The following LRRC7 variants were observed in gnomAD, a reference collection of about 807,000 sequenced individuals.
LRRC7 encodes the protein leucine-rich repeat-containing protein 7.
LRRC7 carries 23 observed loss-of-function variants against 175.7 expected under a neutral mutation model. The observed-to-expected ratio is 0.13, with a 90% CI of 0.09 to 0.19. LRRC7 has a LOEUF of 0.19. Ranked by LOEUF, LRRC7 falls within the 10% of genes least tolerant of loss-of-function variation. The probability of loss-of-function intolerance (pLI) is 1.00; values close to 1 mark genes in which losing one functional copy is unlikely to be tolerated. For synonymous variants in LRRC7, 685 were observed against 680.9 expected, an observed-to-expected ratio of 1.01 and a Z score of -0.09; for missense variants, 1,354 against 1,904.7, an observed-to-expected ratio of 0.71 and a Z score of 5.38.
chr1:69,714,096 C>T (rs115752854), intron 2 of LRRC7, among the ~76,000 whole-genome samples: 154 of 152,244 alleles, frequency 1.0e-3, no homozygotes, highest in African/African-American at 3.5e-3. Flanking sequence ...ACCAATTCAC[C>T]TTGCTCTCCA....
intron 1 of LRRC7, among the ~76,000 whole-genome samples, chr1:69,583,922 G>A (rs1258323740): frequency 6.6e-6 from 1 of 152,104 alleles, no homozygotes; most frequent in African/African-American, 2.4e-5. Flanking sequence ...AAAGGTATTT[G>A]GGACTGCCAG....
chr1:69,784,095 C>T (rs1251208692), intron 3 of LRRC7, among the ~76,000 whole-genome samples: 2 of 152,030 alleles, frequency 1.3e-5, no homozygotes, highest in Admixed American at 1.3e-4. Flanking sequence ...ACATTGAATA[C>T]TATTAATAAC....
At chr1:69,633,940 G>T (rs574226221) in intron 1 of LRRC7, among the ~76,000 whole-genome samples, 11 of 151,740 alleles carry the variant, frequency 7.2e-5, no homozygotes, top group Non-Finnish European at 1.3e-4. Context: ...AATCTTTCCT[G>T]TCATTTTGTT....
intron 11 of LRRC7, among the ~76,000 whole-genome samples, chr1:69,998,791 A>G (rs909882980): frequency 3.9e-5 from 6 of 152,226 alleles, no homozygotes; most frequent in Non-Finnish European, 8.8e-5. Context: ...GACTTTGGTC[A>G]TCTTGAGAAC....
rs1197957937 is a variant in LRRC7, at chr1:70,039,358, T to C, written c.3534T>C (p.Thr1178=). ...ATGAGCCTCATGAGCTGCCCCCAAC[T>C]GATAGGTACGGCAGACCCCCATATA... The part of the protein sequence containing the change: ...RVNEPHELPP[T]DRYGRPPYRG... The change falls in exon 21 of 27, where the codon ACT becomes ACC. Residue 1178 remains threonine (T), a synonymous_variant. Coordinates refer to ENST00000651989, the MANE Select transcript of LRRC7 (RefSeq NM_001370785.2). The C allele has an allele frequency of 6.2e-7, 1 of 1,613,902 alleles. No individual in the cohort carries two copies. Among genetic ancestry groups the C allele is most frequent in the Admixed American group, 1.7e-5 (1 of 60,000 alleles).
rs1014564949 is a variant in LRRC7 at position 70,083,640 on chromosome 1, A to G, written c.4453-6087A>G. On this transcript the variant is annotated intron_variant, in intron 24 of 26. Coordinates refer to ENST00000651989, the MANE Select transcript of LRRC7 (RefSeq NM_001370785.2). ...TATATGCAATTAGCTACTTGTTGAC[A>G]TCTCATCCTGGATGTCTGATGAGTT... is the stretch of plus-strand genomic sequence containing the variant. Among the ~76,000 whole-genome samples, 5 of 152,306 alleles carry G rather than the reference A, an allele frequency of 3.3e-5. No homozygotes were observed. The South Asian group carries it at 8.3e-4, about 25-fold the overall frequency.
intron 5 of LRRC7, 67 bp downstream of exon 5, chr1:69,825,893 A>T: frequency 2.1e-6 from 2 of 953,666 alleles, no homozygotes; most frequent in Non-Finnish European, 3.1e-6. Context: ...ACCTAAATAG[A>T]GGAAATGCAC....
intron 1 of LRRC7, among the ~76,000 whole-genome samples, chr1:69,677,564 A>G (rs1659950186): frequency 6.6e-6 from 1 of 152,016 alleles, no homozygotes; most frequent in African/African-American, 2.4e-5. Context: ...TTTCACATCC[A>G]TGCCAACATC....
intron 25 of LRRC7, among the ~76,000 whole-genome samples, chr1:70,093,572 T>C (rs1295714136): frequency 1.3e-5 from 2 of 152,146 alleles, no homozygotes; most frequent in African/African-American, 2.4e-5. Flanking sequence ...CCTGTAGAGT[T>C]GAGACTAATA....
At chr1:69,991,210 T>C (rs1181645140) in intron 10 of LRRC7, among the ~76,000 whole-genome samples, 1 of 151,036 alleles carries the variant, frequency 6.6e-6, no homozygotes, top group Admixed American at 6.6e-5. Context: ...TAACATGATA[T>C]AATTGTTTGT....
intron 26 of LRRC7, among the ~76,000 whole-genome samples, chr1:70,112,215 A>C (rs1271805231): frequency 5.9e-5 from 9 of 152,224 alleles, no homozygotes. Context: ...GGCTATTAGC[A>C]GAGTCATTAT....
chr1:69,870,317 C>T (rs1685395890), intron 7 of LRRC7, among the ~76,000 whole-genome samples: 1 of 151,906 alleles, frequency 6.6e-6, no homozygotes, highest in Non-Finnish European at 1.5e-5. Flanking sequence ...ACACACAGCC[C>T]AAGGTTAAGG....
rs1666788903 is a variant in LRRC7, at chr1:70,134,457, C to A, written c.*12570C>A. Among the ~76,000 whole-genome samples, 1 of 152,214 alleles carries A rather than the reference C, an allele frequency of 6.6e-6. No homozygotes were observed. Among genetic ancestry groups the A allele is most frequent in the Admixed American group, 6.5e-5 (1 of 15,282 alleles). On this transcript the variant is annotated 3_prime_UTR_variant, in exon 27 of 27. Transcript: ENST00000651989. ...AGCTTAGCCAGCCTCCTGGTCTGAGCTTCTTCTTTGCTAATTCCATCAAAG... is the reference window on the plus strand; with the variant it reads ...AGCTTAGCCAGCCTCCTGGTCTGAGATTCTTCTTTGCTAATTCCATCAAAG...
At chr1:69,606,422 T>C (rs1489931527) in intron 1 of LRRC7, among the ~76,000 whole-genome samples, 1 of 152,100 alleles carries the variant, frequency 6.6e-6, no homozygotes, top group Non-Finnish European at 1.5e-5. Flanking sequence ...ATAAAGAGTT[T>C]TTAAAAATCT....
chr1:69,705,227 G>C (rs983380047), intron 2 of LRRC7, among the ~76,000 whole-genome samples: 1 of 152,016 alleles, frequency 6.6e-6, no homozygotes, highest in Non-Finnish European at 1.5e-5. Flanking sequence ...CTCCATATTG[G>C]CTAGGGCTCT....
chr1:69,710,454 T>C (rs145478390), intron 2 of LRRC7, among the ~76,000 whole-genome samples: 169 of 152,170 alleles, frequency 1.1e-3, no homozygotes, highest in Non-Finnish European at 2.1e-3. Context: ...TTCCTCCCTG[T>C]AGGGTTTACA....
intron 18 of LRRC7, among the ~76,000 whole-genome samples, chr1:70,035,118 C>G (rs1158514865): frequency 6.6e-6 from 1 of 152,096 alleles, no homozygotes. Flanking sequence ...GTGCCCCAAA[C>G]TCACAAGATA....
At chr1:69,934,399 A>C (rs1413970052) in intron 8 of LRRC7, among the ~76,000 whole-genome samples, 1 of 151,354 alleles carries the variant, frequency 6.6e-6, no homozygotes, top group Non-Finnish European at 1.5e-5. Flanking sequence ...GTAATAATGA[A>C]AAATTCTAAA....
At chr1:70,108,682 A>T (rs984780094) in intron 26 of LRRC7, among the ~76,000 whole-genome samples, 1 of 152,236 alleles carries the variant, frequency 6.6e-6, no homozygotes, top group Non-Finnish European at 1.5e-5. Context: ...CATCTGCAAC[A>T]GTTATGAAAT....
Sources: gnomAD v4.1 joint callset for allele counts (sites outside exome capture counted in the v4.1 genomes callset) on GRCh38, gnomAD v4.1.1 for gene constraint, MANE v1.5 for transcripts, NCBI Gene and HGNC (gene_info 2026-07-23, HGNC 2026-07-21) for gene names.